The following NME5 variants were observed in gnomAD, a reference collection of about 807,000 sequenced individuals.
NME5 encodes NME/NM23 family member 5.
NME5 carries 18 observed loss-of-function variants against 21.6 expected under a neutral mutation model. The observed-to-expected ratio is 0.83, with a 90% CI of 0.58 to 1.24. The LOEUF (loss-of-function observed/expected upper bound fraction) is 1.24, where lower values mean the gene tolerates loss of function less well. Among genes scored for constraint, NME5 ranks in the 50% most tolerant of loss-of-function variants. NME5 has a pLI of 0.00. For missense variants in NME5, 223 were observed against 255.4 expected, an observed-to-expected ratio of 0.87 and a Z score of 0.86; for synonymous variants, 70 against 80.6, an observed-to-expected ratio of 0.87 and a Z score of 0.71.
At chr5:138,125,315 T>C (rs1318275445) in intron 4 of NME5, among the ~76,000 whole-genome samples, 1 of 152,208 alleles carries the variant, frequency 6.6e-6, no homozygotes, top group Non-Finnish European at 1.5e-5. Flanking sequence ...ACTTAATAAA[T>C]TTGTTGAAGA....
intron 4 of NME5, 117 bp from the exon 5 acceptor site, chr5:138,119,053 G>A (rs1006330517): frequency 4.6e-5 from 28 of 608,842 alleles, no homozygotes; most frequent in Non-Finnish European, 7.4e-5. Flanking sequence ...TTTTTGAGAT[G>A]GAGTCTTACT....
intron 2 of NME5, 139 bp from the exon 3 acceptor site, chr5:138,129,607 G>A: frequency 1.5e-6 from 1 of 647,844 alleles, no homozygotes; most frequent in African/African-American, 1.8e-5. Flanking sequence ...GAAAGAAAAG[G>A]ATATAATTAA....
At chr5:138,118,411 C>T (rs1159295220) in intron 5 of NME5, among the ~76,000 whole-genome samples, 1 of 152,044 alleles carries the variant, frequency 6.6e-6, no homozygotes, top group Non-Finnish European at 1.5e-5. Context: ...AGGCGTGAGC[C>T]ACTGCGCCCA....
At chr5:138,127,197 T>G (rs574763618) in intron 4 of NME5, among the ~76,000 whole-genome samples, 1 of 152,290 alleles carries the variant, frequency 6.6e-6, no homozygotes, top group Admixed American at 6.5e-5. Context: ...GAAGCAGGTC[T>G]TCCCCTGGGA....
chr5:138,125,551 C>T lies in NME5; in HGVS notation c.436+2928G>A, dbSNP rs77947268. Among the ~76,000 whole-genome samples the T allele has an allele frequency of 5.9e-5, 9 of 152,284 alleles. No homozygotes were observed. In the East Asian group the frequency reaches 1.7e-3, roughly 29 times the overall value. On this transcript the variant is annotated intron_variant, in intron 4 of 5. Transcript: ENST00000265191. Reference sequence around the variant, plus strand: ...CTATGATTGCACCATTGCATTCCATCTGGAGTGACATGGAGAGACCCTGTG... The same window carrying T: ...CTATGATTGCACCATTGCATTCCATTTGGAGTGACATGGAGAGACCCTGTG...
chr5:138,135,411 T>G (rs1751675940), intron 2 of NME5, among the ~76,000 whole-genome samples: 3 of 151,512 alleles, frequency 2.0e-5, no homozygotes, highest in Middle Eastern at 3.4e-3. Context: ...CTTGACTCAC[T>G]GCAACCTCCG....
At chr5:138,133,842 A>C (rs1751629069) in intron 2 of NME5, among the ~76,000 whole-genome samples, 1 of 152,218 alleles carries the variant, frequency 6.6e-6, no homozygotes, top group Non-Finnish European at 1.5e-5. Flanking sequence ...AGAGGGAAGC[A>C]ACGAGTTAGC....
At position 138,131,204 on chromosome 5, in the gene NME5, TAAA is replaced by T. The variant is rs762579967; in HGVS notation, c.130-1739_130-1737del. On this transcript the variant is annotated intron_variant, in intron 2 of 5. Transcript: ENST00000265191. ...CAACATGATGAAACCCCGTCTCTGC[TAAA>T]AAAAAAAAAAAAAAAAAAAAAAAAT... 4.6e-3 allele frequency among the ~76,000 whole-genome samples: 375 copies of T among 80,870 alleles called. 3 individuals are homozygous for T. The highest frequency in any genetic ancestry group is 6.3e-3 in the Non-Finnish European group (285 of 44,922). The allele number at this position is 80,870 out of a possible 152,430, so 53.1% of individuals were successfully genotyped here.
intron 4 of NME5, among the ~76,000 whole-genome samples, chr5:138,126,457 G>A (rs888663275): frequency 4.4e-5 from 6 of 136,472 alleles, no homozygotes; most frequent in African/African-American, 1.6e-4. Context: ...GCTGCGGTGA[G>A]CTGTGATTGT....
rs186364134 is a variant in NME5, at chr5:138,115,361, G to A, written c.*320C>T. 8.9e-4 allele frequency: 161 copies of A among 180,298 alleles called. No homozygotes were observed. The highest frequency in any genetic ancestry group is 1.6e-3 in the Non-Finnish European group (134 of 86,052). The allele number at this position is 180,298 out of a possible 1,614,324, so 11.2% of individuals were successfully genotyped here. ...TGCATTAATTATGTATTTAGATATA[G>A]GATATGTGCTTGGGAAAATGTATAA... On this transcript the variant is annotated 3_prime_UTR_variant, in exon 6 of 6. Transcript: ENST00000265191.
chr5:138,137,298 A>G (rs1334046453), intron 2 of NME5, among the ~76,000 whole-genome samples: 1 of 150,192 alleles, frequency 6.7e-6, no homozygotes, highest in African/African-American at 2.4e-5. Context: ...ATCTTTTCTG[A>G]AGATTGATAT....
In NME5 at chr5:138,115,629, C is replaced by T. The variant is rs373899844; in HGVS notation, c.*52G>A. The T allele has an allele frequency of 1.8e-4, 207 of 1,124,510 alleles. 2 individuals are homozygous for T. The highest frequency in any genetic ancestry group is 1.0e-3 in the Admixed American group (42 of 40,268). The allele number at this position is 1,124,510 out of a possible 1,614,324, so 69.7% of individuals were successfully genotyped here. ...ATAATTTTTTCAAACAGTAGAAGTA[C>T]AGCCTTTTATAATAAGATAGTTCAT... is the stretch of plus-strand genomic sequence containing the variant. On this transcript the variant is annotated 3_prime_UTR_variant, in exon 6 of 6. Transcript: ENST00000265191.
chr5:138,126,006 T>C (rs1401128851), intron 4 of NME5, among the ~76,000 whole-genome samples: 1 of 152,202 alleles, frequency 6.6e-6, no homozygotes, highest in Non-Finnish European at 1.5e-5. Flanking sequence ...CACATAGTTG[T>C]TCATCAACTG....
At chr5:138,137,140 A>T (rs1300589649) in intron 2 of NME5, among the ~76,000 whole-genome samples, 1 of 152,004 alleles carries the variant, frequency 6.6e-6, no homozygotes, top group Non-Finnish European at 1.5e-5. Flanking sequence ...ACTTGATCCA[A>T]ATTTTTCAGT....
chr5:138,128,325 G>A (rs1751480335), intron 4 of NME5, among the ~76,000 whole-genome samples, 154 bp downstream of exon 4: 1 of 152,106 alleles, frequency 6.6e-6, no homozygotes, highest in South Asian at 2.1e-4. Flanking sequence ...TTCCATTTGT[G>A]GCTTCAAGTT....
intron 2 of NME5, among the ~76,000 whole-genome samples, chr5:138,131,204 T>TAAAAAAAAAAAAAAAAAAA (rs762579967): frequency 2.5e-5 from 2 of 80,876 alleles, no homozygotes; most frequent in Admixed American, 1.4e-4. Context: ...CCGTCTCTGC[T>TAAAAAAAAAAAAAAAAAAA]AAAAAAAAAA....
chr5:138,115,468 T>C lies in NME5; in HGVS notation c.*213A>G. The C allele has an allele frequency of 2.7e-6, 1 of 365,932 alleles. No homozygotes were observed. The highest frequency in any genetic ancestry group is 8.2e-5 in the South Asian group (1 of 12,222). The allele number at this position is 365,932 out of a possible 1,614,324, so 22.7% of individuals were successfully genotyped here. ...CTTACATGAGTTTTCCATTACCTAG[T>C]GTTACATCATTGTTAAAATCATACT... On this transcript the variant is annotated 3_prime_UTR_variant, in exon 6 of 6. Coordinates refer to ENST00000265191, the MANE Select transcript of NME5 (RefSeq NM_003551.3).
intron 4 of NME5, among the ~76,000 whole-genome samples, chr5:138,119,661 AT>A (rs35881974): frequency 0.3 from 41,854 of 140,616 alleles, 6,632 homozygotes; most frequent in South Asian, 0.42. Flanking sequence ...TCTTTTCTTT[AT>A]TTTTTTTTTT....
chr5:138,119,473 C>T (rs1417946182), intron 4 of NME5, among the ~76,000 whole-genome samples: 2 of 151,838 alleles, frequency 1.3e-5, no homozygotes, highest in Non-Finnish European at 2.9e-5. Context: ...GCTAGGATTG[C>T]GGGCATGAGC....
Sources: allele counts gnomAD v4.1 joint callset (sites outside exome capture counted in the v4.1 genomes callset), GRCh38; gene constraint gnomAD v4.1.1; transcripts MANE v1.5; gene names NCBI Gene and HGNC (gene_info 2026-07-23, HGNC 2026-07-21).